The following NCOA5 variants were observed in gnomAD, a reference collection of about 807,000 sequenced individuals.
NCOA5 encodes the protein nuclear receptor coactivator 5, also known as NCoA-5.
In NCOA5, 12 loss-of-function variants were observed where a neutral mutation model predicts 59.0. That is an observed-to-expected ratio of 0.20 (90% CI 0.13 to 0.33). NCOA5 has a LOEUF of 0.33. Among genes scored for constraint, NCOA5 ranks in the 10% least tolerant of loss-of-function variants. The pLI, the probability that NCOA5 is intolerant of heterozygous loss-of-function variation, is 1.00. For missense variants in NCOA5, 655 were observed against 766.6 expected (o/e 0.85, Z 1.72); for synonymous variants, 270 against 275.5 (o/e 0.98, Z 0.20).
At chr20:46,072,577 C>G (rs2084893376) in intron 2 of NCOA5, among the ~76,000 whole-genome samples, 1 of 152,224 alleles carries the variant, frequency 6.6e-6, no homozygotes, top group East Asian at 1.9e-4. Context: ...CCTGTCTTCT[C>G]TAACCCTGTC....
intron 1 of NCOA5, among the ~76,000 whole-genome samples, chr20:46,081,388 C>G (rs997978954): frequency 7.2e-5 from 11 of 152,166 alleles, no homozygotes; most frequent in African/African-American, 2.6e-4. Flanking sequence ...ACATACAGAA[C>G]TGGAGAAATC....
chr20:46,065,787 T>C (rs1430620830), intron 5 of NCOA5, among the ~76,000 whole-genome samples: 4 of 152,230 alleles, frequency 2.6e-5, no homozygotes, highest in Non-Finnish European at 5.9e-5. Context: ...ATCACCTGTA[T>C]GCTTTTGTCA....
rs765668774 is a variant in NCOA5 at position 46,062,386 on chromosome 20, G to T, written c.1654C>A (p.Pro552Thr). The change falls in exon 8 of 8, where the codon CCT becomes ACT. Residue 552 changes from proline (P) to threonine (T), a missense_variant. Transcript: ENST00000290231. Reference sequence around the variant, plus strand: ...TGGCTAACCAGGTGGGAGAGAGCAGGGCCACTCTGGATCAGGGTATCCAGA... The same window carrying T: ...TGGCTAACCAGGTGGGAGAGAGCAGTGCCACTCTGGATCAGGGTATCCAGA... ...KALDTLIQSG[P>T]ALSHLVSQTT... 1.5e-5 allele frequency: 24 copies of T among 1,614,030 alleles called. No homozygotes were observed. Among genetic ancestry groups the T allele is most frequent in the Non-Finnish European group, 1.6e-5 (19 of 1,180,040 alleles).
Position 46,087,318 on chromosome 20 carries a change from T to C in NCOA5, c.-30+2499A>G, listed in dbSNP as rs371312075. On this transcript the variant is annotated intron_variant, in intron 1 of 7. Transcript: ENST00000290231. Reference sequence around the variant, plus strand: ...TTCCATTCTTAAAAGCACAACTAAATTTTATTAATCCTCACAGTAGTAAAA... The same window carrying C: ...TTCCATTCTTAAAAGCACAACTAAACTTTATTAATCCTCACAGTAGTAAAA... Among the ~76,000 whole-genome samples the C allele has an allele frequency of 1.3e-4, 20 of 152,372 alleles. 2 individuals carry two copies. The highest frequency in any genetic ancestry group is 4.3e-4 in the African/African-American group (18 of 41,588).
At chr20:46,087,158 GTTA>G (rs1328391612) in intron 1 of NCOA5, among the ~76,000 whole-genome samples, 1 of 152,200 alleles carries the variant, frequency 6.6e-6, no homozygotes, top group Admixed American at 6.5e-5. Context: ...CTGGCTGTAT[GTTA>G]TTATCATTAC....
chr20:46,086,569 A>C (rs2085047397), intron 1 of NCOA5, among the ~76,000 whole-genome samples: 1 of 152,226 alleles, frequency 6.6e-6, no homozygotes, highest in Non-Finnish European at 1.5e-5. Flanking sequence ...AATGAGAGTA[A>C]CATAAAGGAT....
intron 3 of NCOA5, among the ~76,000 whole-genome samples, chr20:46,069,155 T>C (rs899937593): frequency 1.2e-4 from 19 of 152,138 alleles, no homozygotes; most frequent in African/African-American, 9.7e-5. Flanking sequence ...ATATTCACAA[T>C]GCTGTGCAAC....
intron 2 of NCOA5, among the ~76,000 whole-genome samples, chr20:46,074,292 C>CA (rs2084913590): frequency 6.6e-6 from 1 of 152,168 alleles, no homozygotes; most frequent in African/African-American, 2.4e-5. Flanking sequence ...TGCAAGAAGA[C>CA]AAAGCTTCCT....
At chr20:46,079,540 A>G in intron 1 of NCOA5, 87 bp from the exon 2 acceptor site, 1 of 1,103,968 alleles carries the variant, frequency 9.1e-7, no homozygotes, top group Non-Finnish European at 1.3e-6. Flanking sequence ...AACAACAACA[A>G]AAACTACAAT....
chr20:46,069,567 G>A (rs1245747969), intron 3 of NCOA5, among the ~76,000 whole-genome samples: 4 of 152,178 alleles, frequency 2.6e-5, no homozygotes, highest in Non-Finnish European at 5.9e-5. Context: ...GAGACTCCAC[G>A]TCTATACAAA....
In NCOA5 at chr20:46,063,563, A is replaced by T; in HGVS notation, c.947T>A (p.Met316Lys). Residue 316 changes from methionine to lysine, a missense_variant, in exon 7 of 8, where the codon ATG (methionine) becomes AAG (lysine). Met to Lys is a moderately conservative substitution (Grantham distance 95, BLOSUM62 -1). Transcript: ENST00000290231. ...REEIARQAAK[M>K]ADEAILQERE... is the part of the protein sequence containing the mutation. The stretch of plus-strand genomic sequence containing the variant: ...TTCCTGCAGGATGGCTTCATCGGCC[A>T]TCTTGGCTGCCTGTCTGGCAATCTC... 3 of 1,614,120 alleles carry T rather than the reference A, an allele frequency of 1.9e-6. No homozygotes were observed. Among genetic ancestry groups the T allele is most frequent in the Non-Finnish European group, 1.7e-6 (2 of 1,180,022 alleles).
In NCOA5 at chr20:46,067,140, G is replaced by C; in HGVS notation, c.544C>G (p.Arg182Gly). Residue 182 changes from arginine to glycine, a missense_variant, in exon 5 of 8, where the codon CGT (arginine) becomes GGT (glycine). Physicochemically the swap from Arg to Gly is moderately radical, Grantham distance 125. This residue lies in a region of NCOA5 where 250 missense variants were observed against 260.1 expected (regional missense o/e 0.96). Transcript: ENST00000290231. ...REERRREELY[R>G]QYFEEIQRRF... Reference sequence around the variant, plus strand: ...CTCTGGATTTCCTCAAAATATTGACGATAAAGCTCTTCTCTACGCCGTTCC... The same window carrying C: ...CTCTGGATTTCCTCAAAATATTGACCATAAAGCTCTTCTCTACGCCGTTCC... 1.2e-6 allele frequency: 2 copies of C among 1,614,096 alleles called. No individual in the cohort carries two copies. Among genetic ancestry groups the C allele is most frequent in the Non-Finnish European group, 8.5e-7 (1 of 1,180,006 alleles).
chr20:46,066,227 T>C (rs1484267534), intron 5 of NCOA5, among the ~76,000 whole-genome samples: 2 of 152,210 alleles, frequency 1.3e-5, no homozygotes, highest in African/African-American at 4.8e-5. Flanking sequence ...GCTATACTCC[T>C]TTCTGCTTCT....
At position 46,067,040 on chromosome 20, in the gene NCOA5, T is replaced by G. The variant is rs774853777; in HGVS notation, c.629+15A>C. The G allele has an allele frequency of 6.2e-7, 1 of 1,612,320 alleles. No individual in the cohort carries two copies. The highest frequency in any genetic ancestry group is 2.2e-5 in the East Asian group (1 of 44,870). On this transcript the variant is annotated intron_variant, in intron 5 of 7. Coordinates refer to ENST00000290231, the MANE Select transcript of NCOA5 (RefSeq NM_020967.3). ...CTCTTCTCCTTACTGGGGAGAAATATCTAAGGGTTCTTACTTTGTCTGTTT... is the reference window on the plus strand; with the variant it reads ...CTCTTCTCCTTACTGGGGAGAAATAGCTAAGGGTTCTTACTTTGTCTGTTT...
chr20:46,069,334 T>A (rs781621639), intron 3 of NCOA5, among the ~76,000 whole-genome samples: 23 of 152,280 alleles, frequency 1.5e-4, no homozygotes, highest in Non-Finnish European at 3.2e-4. Context: ...TTGTCTTATG[T>A]CTGGCTTATT....
chr20:46,086,489 C>T (rs1364516774), intron 1 of NCOA5, among the ~76,000 whole-genome samples: 3 of 152,158 alleles, frequency 2.0e-5, no homozygotes, highest in African/African-American at 4.8e-5. Flanking sequence ...CAATATACTT[C>T]ATATTTCTCT....
chr20:46,065,487 C>T (rs954517517), intron 5 of NCOA5, among the ~76,000 whole-genome samples: 5 of 152,172 alleles, frequency 3.3e-5, no homozygotes, highest in Non-Finnish European at 5.9e-5. Context: ...CCCTGTGGTC[C>T]TTCCTTAAGA....
intron 1 of NCOA5, among the ~76,000 whole-genome samples, chr20:46,082,350 G>A (rs1254404576): frequency 6.6e-6 from 1 of 152,114 alleles, no homozygotes; most frequent in Non-Finnish European, 1.5e-5. Context: ...TGGTGTTAAT[G>A]TAAAGAAGGG....
rs2084806131 is a variant in NCOA5 at position 46,064,997 on chromosome 20, T to A, written c.829+32A>T. ...AAGGCATAAAGGACTAATAATGGAC[T>A]AGTGACTACCTCCGGTATTCTGACT... On this transcript the variant is annotated intron_variant, in intron 6 of 7. Transcript: ENST00000290231. The A allele has an allele frequency of 5.6e-6, 9 of 1,610,464 alleles. No homozygotes were observed. The South Asian group carries it at 8.8e-5, about 16-fold the overall frequency.
Sources: gnomAD v4.1 joint callset for allele counts (sites outside exome capture counted in the v4.1 genomes callset) on GRCh38, gnomAD v4.1.1 for gene constraint, gnomAD v4.1.1 regional missense constraint, MANE v1.5 for transcripts, NCBI Gene and HGNC (gene_info 2026-07-23, HGNC 2026-07-21) for gene names.